Variants in BCAS3 observed in about 807,000 individuals in gnomAD.
BCAS3 encodes the protein BCAS4/BCAS3 fusion.
Under a neutral mutation model 116.1 loss-of-function variants are expected in BCAS3, and 53 were observed. The observed-to-expected ratio is 0.46, with a 90% CI of 0.37 to 0.57. The LOEUF (loss-of-function observed/expected upper bound fraction) is 0.57. BCAS3 is among the 20% of genes least tolerant of loss of function. BCAS3 has a pLI of 0.00. For missense variants in BCAS3, 917 were observed against 1,165.4 expected (o/e 0.79, Z 3.10); for synonymous variants, 391 against 408.2 (o/e 0.96, Z 0.51).
At chr17:60,992,900 CAT>C (rs540953668) in intron 15 of BCAS3, among the ~76,000 whole-genome samples, 27 of 152,062 alleles carry the variant, frequency 1.8e-4, no homozygotes, top group Non-Finnish European at 2.9e-4. Context: ...TTTTTCATAA[CAT>C]AAAATTTTAG....
At chr17:61,304,365 G>A (rs1422367793) in intron 22 of BCAS3, among the ~76,000 whole-genome samples, 4 of 152,202 alleles carry the variant, frequency 2.6e-5, no homozygotes, top group African/African-American at 9.7e-5. Context: ...TCAGGCTTCT[G>A]CCTGCCCCTG....
chr17:61,153,999 G>C (rs1364308697), intron 22 of BCAS3, among the ~76,000 whole-genome samples: 2 of 152,184 alleles, frequency 1.3e-5, no homozygotes, highest in African/African-American at 4.8e-5. Flanking sequence ...AAGAAATTAA[G>C]AGGATGGAGA....
chr17:60,807,973 A>G, intron 6 of BCAS3, 31 bp from the exon 7 acceptor site: 1 of 1,477,024 alleles, frequency 6.8e-7, no homozygotes, highest in Non-Finnish European at 9.4e-7. Flanking sequence ...TATTCCTCAA[A>G]GCTTACAATT....
intron 16 of BCAS3, among the ~76,000 whole-genome samples, chr17:61,030,653 AT>A (rs1197551477): frequency 1.3e-5 from 2 of 151,968 alleles, no homozygotes; most frequent in Non-Finnish European, 2.9e-5. Flanking sequence ...TTAATTTAGC[AT>A]CTTATTTGTT....
intron 22 of BCAS3, among the ~76,000 whole-genome samples, chr17:61,322,864 G>GAGAGAGAGAC (rs2055413945): frequency 6.7e-6 from 1 of 148,334 alleles, no homozygotes; most frequent in African/African-American, 2.6e-5. Context: ...GACAGAGAGA[G>GAGAGAGAGAC]AGAGAGAGAG....
chr17:61,044,490 C>A (rs2067862737), intron 19 of BCAS3, among the ~76,000 whole-genome samples: 1 of 141,690 alleles, frequency 7.1e-6, no homozygotes, highest in African/African-American at 2.9e-5. Context: ...GCCATAAGAA[C>A]TTAACTCTTG....
chr17:60,692,576 T>G (rs1442494450), intron 4 of BCAS3, among the ~76,000 whole-genome samples: 3 of 149,348 alleles, frequency 2.0e-5, no homozygotes, highest in African/African-American at 7.7e-5. Flanking sequence ...GCATGTTGAA[T>G]ATTGAAACAG....
At position 61,348,429 on chromosome 17, in the gene BCAS3, G is replaced by A. The variant is rs765532326; in HGVS notation, c.2426-19898G>A. 3.9e-5 allele frequency among the ~76,000 whole-genome samples: 6 copies of A among 152,182 alleles called. No individual in the cohort carries two copies. The highest frequency in any genetic ancestry group is 8.8e-5 in the Non-Finnish European group (6 of 68,036). ...AGAGGTGCAGTTTTGGAAGTCAGTAGCATATAGGTAGTACTGGGTATTTGT... is the reference window on the plus strand; with the variant it reads ...AGAGGTGCAGTTTTGGAAGTCAGTAACATATAGGTAGTACTGGGTATTTGT... On this transcript the variant is annotated intron_variant, in intron 22 of 23. Transcript: ENST00000407086. The surrounding 1 kb of genome is among the most constrained non-coding windows in gnomAD (Gnocchi z 4.5).
At chr17:60,681,331 C>G (rs1272959308) in intron 2 of BCAS3, among the ~76,000 whole-genome samples, 1 of 151,884 alleles carries the variant, frequency 6.6e-6, no homozygotes, top group East Asian at 2.0e-4. Context: ...GAAAACCCGT[C>G]TCTACTAAAA....
intron 12 of BCAS3, among the ~76,000 whole-genome samples, chr17:60,915,168 A>G (rs1216527976): frequency 1.3e-5 from 2 of 152,164 alleles, no homozygotes; most frequent in Admixed American, 6.5e-5. Context: ...CATGCCTTTC[A>G]TCTTACTTCC....
At chr17:60,684,622 A>G (rs767819978) in intron 3 of BCAS3, among the ~76,000 whole-genome samples, 2 of 152,084 alleles carry the variant, frequency 1.3e-5, no homozygotes, top group African/African-American at 4.8e-5. Flanking sequence ...TAAAAGTAAT[A>G]ATTTCCTCTC....
At position 60,718,796 on chromosome 17, in the gene BCAS3, T is replaced by TCA. The variant is rs1462018102; in HGVS notation, c.321+9473_321+9474dup. Reference sequence around the variant, plus strand: ...TTAGTTGTAGGCTGGGTGCTGTGGCTCACGCCTGTAATCTCAGCACTTTGG... The same window carrying TCA: ...TTAGTTGTAGGCTGGGTGCTGTGGCTCACACGCCTGTAATCTCAGCACTTTGG... On this transcript the variant is annotated intron_variant, in intron 5 of 23. Coordinates refer to ENST00000407086, the MANE Select transcript of BCAS3 (RefSeq NM_017679.5). Among the ~76,000 whole-genome samples the TCA allele has an allele frequency of 2.7e-4, 41 of 152,336 alleles. No individual in the cohort carries two copies. In the East Asian group the frequency reaches 5.6e-3, roughly 21 times the overall value.
intron 7 of BCAS3, among the ~76,000 whole-genome samples, chr17:60,849,192 C>G (rs2052819958): frequency 6.6e-6 from 1 of 151,992 alleles, no homozygotes; most frequent in African/African-American, 2.4e-5. Context: ...AGGCTAAAAA[C>G]TGTCAGAGAA....
chr17:61,147,032 A>G (rs1351774744), intron 22 of BCAS3, among the ~76,000 whole-genome samples: 1 of 151,812 alleles, frequency 6.6e-6, no homozygotes, highest in Non-Finnish European at 1.5e-5. Context: ...CTCCCGCCTC[A>G]TCCTCCCGAG....
chr17:60,937,418 AT>A (rs1398872906), intron 13 of BCAS3, among the ~76,000 whole-genome samples: 1 of 151,660 alleles, frequency 6.6e-6, no homozygotes, highest in Non-Finnish European at 1.5e-5. Flanking sequence ...TTGTCCTCAC[AT>A]TTATTTTTGT....
intron 6 of BCAS3, among the ~76,000 whole-genome samples, chr17:60,796,360 C>G (rs529988561): frequency 2.0e-5 from 3 of 152,006 alleles, no homozygotes; most frequent in South Asian, 2.1e-4. Context: ...TGGTCCTGGA[C>G]TTTTTTTTGT....
chr17:60,701,901 G>A (rs1439740024), intron 4 of BCAS3, among the ~76,000 whole-genome samples: 2 of 149,146 alleles, frequency 1.3e-5, no homozygotes, highest in African/African-American at 2.6e-5. Context: ...TAGAGCCCAG[G>A]AGGTGGAGGT....
rs1186283162 is a variant in BCAS3, at chr17:60,747,233, A to T, written c.357A>T (p.Arg119=). Residue 119 remains arginine (R), a synonymous_variant, in exon 6 of 24, where the codon CGA becomes CGT. Coordinates refer to ENST00000407086, the MANE Select transcript of BCAS3 (RefSeq NM_017679.5). ...SGEAQELFSV[R]HGPIRAARIL... The stretch of plus-strand genomic sequence containing the variant: ...AAGCACAAGAGCTCTTCTCTGTTCG[A>T]CATGGCCCAATTCGAGCGGCTAGAA... 2 of 1,613,380 alleles carry T rather than the reference A, an allele frequency of 1.2e-6. No homozygotes were observed. The highest frequency in any genetic ancestry group is 1.1e-5 in the South Asian group (1 of 91,034).
At chr17:60,788,543 A>G (rs972701538) in intron 6 of BCAS3, among the ~76,000 whole-genome samples, 1 of 152,208 alleles carries the variant, frequency 6.6e-6, no homozygotes, top group African/African-American at 2.4e-5. Context: ...ATGTGCACAC[A>G]TATTTTAGAT....
Sources: allele counts gnomAD v4.1 joint callset (sites outside exome capture counted in the v4.1 genomes callset), GRCh38; gene constraint gnomAD v4.1.1; non-coding constraint Gnocchi (gnomAD v3.1); transcripts MANE v1.5; gene names NCBI Gene and HGNC (gene_info 2026-07-23, HGNC 2026-07-21).